Variants in TXNRD2 observed in about 807,000 individuals in gnomAD.
TXNRD2 encodes the protein thioredoxin reductase 2, mitochondrial.
In TXNRD2, 67 loss-of-function variants were observed where a neutral mutation model predicts 70.8. That is an observed-to-expected ratio of 0.95 (90% confidence interval 0.78 to 1.16). The LOEUF (loss-of-function observed/expected upper bound fraction) is 1.16. Among genes scored for constraint, TXNRD2 ranks in the 50% most tolerant of loss-of-function variants. The pLI, the probability that TXNRD2 is intolerant of heterozygous loss-of-function variation, is 0.00. For synonymous variants in TXNRD2, 301 were observed against 295.8 expected, an observed-to-expected ratio of 1.02 and a Z score of -0.18; for missense variants, 644 against 719.9, an observed-to-expected ratio of 0.89 and a Z score of 1.21.
At chr22:19,934,081 G>A (rs572562269) in intron 1 of TXNRD2, among the ~76,000 whole-genome samples, 2 of 152,340 alleles carry the variant, frequency 1.3e-5, no homozygotes, top group South Asian at 4.1e-4. Flanking sequence ...CCACAGGCAG[G>A]CTGGCCACCT....
At chr22:19,941,660 GCGCGGACACCTAC>G in intron 1 of TXNRD2, 28 bp downstream of exon 1, 1 of 1,429,946 alleles carries the variant, frequency 7.0e-7, no homozygotes, top group Non-Finnish European at 9.1e-7. Context: ...CACCCCGGCC[GCGCGGACACCTAC>G]CGCGGGGACG....
intron 5 of TXNRD2, chr22:19,916,126 T>C: frequency 2.4e-6 from 1 of 414,096 alleles, no homozygotes; most frequent in South Asian, 2.1e-5. Flanking sequence ...CGTACAGCCC[T>C]GGTGTGCAGC....
chr22:19,905,197 A>C (rs987912945), intron 8 of TXNRD2, among the ~76,000 whole-genome samples: 5 of 152,192 alleles, frequency 3.3e-5, no homozygotes, highest in African/African-American at 1.2e-4. Context: ...TCTCCAGCTT[A>C]ATTTTTAAAA....
At chr22:19,930,904 G>C in intron 2 of TXNRD2, 126 bp downstream of exon 2, 1 of 829,728 alleles carries the variant, frequency 1.2e-6, no homozygotes, top group Non-Finnish European at 2.1e-6. Flanking sequence ...ACAACACAGA[G>C]GCCACTGGGG....
chr22:19,925,475 A>T (rs1032037823), intron 2 of TXNRD2, among the ~76,000 whole-genome samples: 13 of 151,958 alleles, frequency 8.6e-5, no homozygotes, highest in African/African-American at 3.2e-4. Flanking sequence ...AGAGCACAGA[A>T]ATACAATGGG....
intron 7 of TXNRD2, 47 bp downstream of exon 7, chr22:19,915,167 G>A (rs369317341): frequency 5.6e-5 from 89 of 1,595,668 alleles, no homozygotes; most frequent in African/African-American, 6.7e-5. Flanking sequence ...CAAAGAGGCC[G>A]GGAATGGGCC....
intron 13 of TXNRD2, 79 bp downstream of exon 13, chr22:19,880,543 A>G: frequency 7.5e-7 from 1 of 1,332,170 alleles, no homozygotes; most frequent in South Asian, 1.2e-5. Context: ...ACAGCGCACA[A>G]AGGCCCCTCA....
At chr22:19,884,256 C>G (rs1020917367) in intron 11 of TXNRD2, 1 of 152,358 alleles carries the variant, frequency 6.6e-6, no homozygotes, top group African/African-American at 2.4e-5. Flanking sequence ...GAAACGGACA[C>G]TGGTCAGATG....
chr22:19,931,212 C>T lies in TXNRD2; in HGVS notation c.104-114G>A, dbSNP rs548024515. ...TGTGATGGTCAGGGGTGACAAGACA[C>T]CACACAACAGAGCAGAAAGAGTGAC... On this transcript the variant is annotated intron_variant, in intron 1 of 17. Coordinates refer to ENST00000400521, the MANE Select transcript of TXNRD2 (RefSeq NM_006440.5). 5 of 911,898 alleles carry T rather than the reference C, an allele frequency of 5.5e-6. No homozygotes were observed. The East Asian group carries it at 1.0e-4, about 18-fold the overall frequency. 56.5% of individuals were successfully genotyped at this position (911,898 alleles called of 1,614,324 possible).
At chr22:19,919,650 T>A (rs961552618) in intron 2 of TXNRD2, 51 bp from the exon 3 acceptor site, 4 of 1,491,936 alleles carry the variant, frequency 2.7e-6, no homozygotes, top group Non-Finnish European at 3.6e-6. Context: ...GGCTCAGGAC[T>A]CAAGAACAGG....
intron 4 of TXNRD2, 102 bp from the exon 5 acceptor site, chr22:19,918,319 C>A: frequency 9.0e-7 from 1 of 1,111,220 alleles, no homozygotes; most frequent in Non-Finnish European, 1.3e-6. Flanking sequence ...ATAGAAATAT[C>A]AAAAAACAAG....
intron 14 of TXNRD2, among the ~76,000 whole-genome samples, chr22:19,879,252 G>A (rs1338617090): frequency 1.3e-5 from 2 of 152,168 alleles, no homozygotes; most frequent in Non-Finnish European, 2.9e-5. Context: ...GCCAGCCCTG[G>A]AGCCCAGTGT....
chr22:19,910,445 G>T (rs55793425), intron 8 of TXNRD2, among the ~76,000 whole-genome samples: 4,477 of 152,230 alleles, frequency 0.029, 94 homozygotes, highest in South Asian at 0.086. Flanking sequence ...ATGTCCTTGA[G>T]GGGACCCACT....
At chr22:19,910,081 G>T (rs1940338385) in intron 8 of TXNRD2, among the ~76,000 whole-genome samples, 1 of 152,154 alleles carries the variant, frequency 6.6e-6, no homozygotes, top group East Asian at 1.9e-4. Context: ...TCCTGGGGAA[G>T]GCTCGAGACT....
chr22:19,941,644 C>T, intron 1 of TXNRD2, 57 bp downstream of exon 1: 1 of 1,407,220 alleles, frequency 7.1e-7, no homozygotes, highest in South Asian at 1.5e-5. Context: ...GACACCCTCA[C>T]GAGGACACCC....
chr22:19,939,833 G>A (rs1941640750), intron 1 of TXNRD2, among the ~76,000 whole-genome samples: 1 of 152,122 alleles, frequency 6.6e-6, no homozygotes, highest in African/African-American at 2.4e-5. Context: ...AGGAGTAATA[G>A]GAGATACCCC....
At chr22:19,888,442 C>A (rs998820308) in intron 11 of TXNRD2, among the ~76,000 whole-genome samples, 2 of 152,230 alleles carry the variant, frequency 1.3e-5, no homozygotes, top group African/African-American at 2.4e-5. Flanking sequence ...CAGTATCATG[C>A]GCCTCTCTCA....
In TXNRD2 at chr22:19,932,534, G is replaced by A. The variant is rs533152150; in HGVS notation, c.104-1436C>T. 2,614 of 1,529,002 alleles carry A rather than the reference G, an allele frequency of 1.7e-3. 9 individuals are homozygous for A. Among genetic ancestry groups the A allele is most frequent in the Non-Finnish European group, 1.9e-3 (2,185 of 1,135,152 alleles). The allele number at this position is 1,529,002 out of a possible 1,614,324, so 94.7% of individuals were successfully genotyped here. On this transcript the variant is annotated intron_variant, in intron 1 of 17. Transcript: ENST00000400521. ...AGGAAGTAGAGAGGGGAAGTACACT[G>A]AACTGGGCCTGAGGTCCGGGACACC...
At position 19,931,037 on chromosome 22, in the gene TXNRD2, G is replaced by T; in HGVS notation, c.165C>A (p.Ala55=). ...VGGGSGGLAC[A]KEAAQLGRKV... is the part of the protein sequence containing the mutation. ...AGTATACAGAATACATACCCTCCTT[G>T]GCACAAGCCAGGCCACCAGATCCCC... The change falls in exon 2 of 18, where the codon GCC becomes GCA. Residue 55 remains alanine, a synonymous_variant. Coordinates refer to ENST00000400521, the MANE Select transcript of TXNRD2 (RefSeq NM_006440.5). 6.2e-7 allele frequency: 1 copy of T among 1,613,770 alleles called. No homozygotes were observed. The highest frequency in any genetic ancestry group is 8.5e-7 in the Non-Finnish European group (1 of 1,179,964).
Sources: allele counts gnomAD v4.1 joint callset (sites outside exome capture counted in the v4.1 genomes callset), GRCh38; gene constraint gnomAD v4.1.1; transcripts MANE v1.5; gene names NCBI Gene and HGNC (gene_info 2026-07-23, HGNC 2026-07-21).